Variants in SCHIP1 observed in about 807,000 individuals in gnomAD.
The protein encoded by SCHIP1 is schwannomin interacting protein 1.
A neutral mutation model predicts 29.7 loss-of-function variants in SCHIP1; 8 were observed. The ratio of observed to expected loss-of-function variants is 0.27; its 90% CI spans 0.16 to 0.49. The LOEUF (loss-of-function observed/expected upper bound fraction) is 0.49. Ranked by LOEUF, SCHIP1 falls within the 20% of genes least tolerant of loss-of-function variation. SCHIP1 has a pLI of 0.99. For synonymous variants in SCHIP1, 76 were observed against 94.9 expected (o/e 0.80, Z 1.16); for missense variants, 193 against 294.6 (o/e 0.66, Z 2.52).
chr3:159,837,825 G>C (rs1287330050), upstream of SCHIP1, among the ~76,000 whole-genome samples: 1 of 152,180 alleles, frequency 6.6e-6, no homozygotes, highest in Admixed American at 6.5e-5. Context: ...GGATGGGGGT[G>C]TATTGTTTAT....
At chr3:159,656,863 A>G in the SCHIP1 span, among the ~76,000 whole-genome samples, 2 of 152,138 alleles carry the variant, frequency 1.3e-5, no homozygotes, top group Non-Finnish European at 2.9e-5. Context: ...GTGACAAGGG[A>G]AGGATTCCAA....
chr3:159,404,810 T>C, the SCHIP1 span, among the ~76,000 whole-genome samples: 3 of 152,298 alleles, frequency 2.0e-5, no homozygotes, highest in South Asian at 6.2e-4. Flanking sequence ...AACCAGGCAG[T>C]GGTTACTGCA....
chr3:159,420,320 C>T, the SCHIP1 span, among the ~76,000 whole-genome samples: 3 of 152,004 alleles, frequency 2.0e-5, no homozygotes, highest in Admixed American at 1.3e-4. Flanking sequence ...GGGAAAAGCG[C>T]GATCTTTCTG....
At chr3:159,519,772 A>C in the SCHIP1 span, among the ~76,000 whole-genome samples, 2 of 152,014 alleles carry the variant, frequency 1.3e-5, no homozygotes, top group African/African-American at 4.8e-5. Context: ...TATCTTGAGC[A>C]CTAGCTGTTG....
chr3:159,727,995 T>A, the SCHIP1 span, among the ~76,000 whole-genome samples: 3 of 148,964 alleles, frequency 2.0e-5, no homozygotes, highest in Non-Finnish European at 4.4e-5. Context: ...TTTAAAATCC[T>A]GTTTTTGTTT....
At chr3:159,594,592 C>T in the SCHIP1 span, among the ~76,000 whole-genome samples, 4 of 152,168 alleles carry the variant, frequency 2.6e-5, no homozygotes, top group Non-Finnish European at 4.4e-5. Flanking sequence ...ATGCAGGAAT[C>T]TATAAACCAT....
the SCHIP1 span, among the ~76,000 whole-genome samples, chr3:159,339,898 C>T: frequency 1.3e-5 from 2 of 151,870 alleles, no homozygotes; most frequent in African/African-American, 4.8e-5. Context: ...GTTGCATTTC[C>T]CAAGGTGCAA....
the SCHIP1 span, among the ~76,000 whole-genome samples, chr3:159,342,944 G>T: frequency 6.6e-6 from 1 of 152,208 alleles, no homozygotes; most frequent in African/African-American, 2.4e-5. Flanking sequence ...AAATGAAATA[G>T]TTTTTAATCC....
chr3:159,648,039 G>GT, the SCHIP1 span, among the ~76,000 whole-genome samples: 2 of 152,070 alleles, frequency 1.3e-5, no homozygotes, highest in Non-Finnish European at 2.9e-5. Flanking sequence ...CATGGCCCAG[G>GT]TTTTTTTCAG....
At chr3:159,749,990 T>C in the SCHIP1 span, among the ~76,000 whole-genome samples, 7 of 152,058 alleles carry the variant, frequency 4.6e-5, no homozygotes, top group Non-Finnish European at 1.0e-4. Context: ...GTACTAGTAA[T>C]ACTAGCAATA....
the SCHIP1 span, among the ~76,000 whole-genome samples, chr3:159,588,847 GCTGTTTTGGTTA>G: frequency 6.6e-6 from 1 of 152,362 alleles, no homozygotes; most frequent in African/African-American, 2.4e-5. Flanking sequence ...CCAGTACCAT[GCTGTTTTGGTTA>G]CTGTAGCCTT....
At chr3:159,608,061 G>C in the SCHIP1 span, among the ~76,000 whole-genome samples, 1 of 152,220 alleles carries the variant, frequency 6.6e-6, no homozygotes, top group Non-Finnish European at 1.5e-5. Flanking sequence ...GAAGCCATTG[G>C]GCTGCCCTCA....
chr3:159,519,367 G>A, the SCHIP1 span, among the ~76,000 whole-genome samples: 1 of 152,070 alleles, frequency 6.6e-6, no homozygotes, highest in Non-Finnish European at 1.5e-5. Context: ...TTTGTGAAAT[G>A]AAAATAAGAT....
At chr3:159,654,483 C>A in the SCHIP1 span, among the ~76,000 whole-genome samples, 1 of 152,156 alleles carries the variant, frequency 6.6e-6, no homozygotes, top group African/African-American at 2.4e-5. Context: ...TTCTGGTCTA[C>A]AATTCACTAT....
the SCHIP1 span, among the ~76,000 whole-genome samples, chr3:159,522,612 T>C: frequency 1.3e-5 from 2 of 152,218 alleles, no homozygotes; most frequent in Non-Finnish European, 2.9e-5. Context: ...GGCTTACACC[T>C]GTAATCCCAG....
At chr3:159,296,955 G>A in the SCHIP1 span, among the ~76,000 whole-genome samples, 3 of 151,866 alleles carry the variant, frequency 2.0e-5, no homozygotes, top group South Asian at 2.1e-4. Context: ...GGCAACTATC[G>A]TTCTACTGTC....
the SCHIP1 span, among the ~76,000 whole-genome samples, chr3:159,466,044 T>G: frequency 6.6e-6 from 1 of 152,100 alleles, no homozygotes; most frequent in Admixed American, 6.6e-5. Context: ...AGGATTTTTT[T>G]GAAAAAAAAT....
At chr3:159,846,537 A>G (rs755149054) in intron 1 of SCHIP1, among the ~76,000 whole-genome samples, 1 of 152,196 alleles carries the variant, frequency 6.6e-6, no homozygotes, top group Non-Finnish European at 1.5e-5. Context: ...CAAAGTATCA[A>G]ATTTGAGTTC....
At chr3:159,750,975 C>A in the SCHIP1 span, among the ~76,000 whole-genome samples, 2 of 152,074 alleles carry the variant, frequency 1.3e-5, no homozygotes, top group Admixed American at 6.5e-5. Flanking sequence ...TGCATGGGAT[C>A]AATTTCCCAT....
Sources: allele counts gnomAD v4.1 joint callset (sites outside exome capture counted in the v4.1 genomes callset), GRCh38; gene constraint gnomAD v4.1.1; transcripts MANE v1.5; gene names NCBI Gene and HGNC (gene_info 2026-07-23, HGNC 2026-07-21).